Variants in EIPR1 observed in about 807,000 individuals in gnomAD.
The protein encoded by EIPR1 is EARP complex and GARP complex interacting protein 1.
In EIPR1, 25 loss-of-function variants were observed where a neutral mutation model predicts 48.1. The ratio of observed to expected loss-of-function variants is 0.52; its 90% CI spans 0.38 to 0.73. EIPR1 has a LOEUF of 0.73. Ranked by LOEUF, EIPR1 falls within the 30% of genes least tolerant of loss-of-function variation. The probability of loss-of-function intolerance (pLI) is 0.00; values close to 1 mark genes in which losing one functional copy is unlikely to be tolerated. For missense variants in EIPR1, 415 were observed against 506.2 expected (o/e 0.82, Z 1.73); for synonymous variants, 204 against 201.9 (o/e 1.01, Z -0.09).
intron 3 of EIPR1, among the ~76,000 whole-genome samples, chr2:3,273,578 A>C (rs1252467707): frequency 6.6e-6 from 1 of 152,176 alleles, no homozygotes; most frequent in African/African-American, 2.4e-5. Flanking sequence ...TATAAAAAAT[A>C]AGAATCTACA....
chr2:3,322,153 T>C (rs115099330), intron 3 of EIPR1, among the ~76,000 whole-genome samples: 3,066 of 152,292 alleles, frequency 0.02, 111 homozygotes, highest in African/African-American at 0.069. Context: ...GGTCCTCCCC[T>C]GGCAGGGCCT....
At chr2:3,337,174 G>C (rs1359799684) in intron 3 of EIPR1, among the ~76,000 whole-genome samples, 1 of 152,174 alleles carries the variant, frequency 6.6e-6, no homozygotes, top group African/African-American at 2.4e-5. Flanking sequence ...AACACACACA[G>C]AACCCGGTGA....
chr2:3,270,066 T>C (rs1667657661), intron 3 of EIPR1, among the ~76,000 whole-genome samples: 1 of 152,238 alleles, frequency 6.6e-6, no homozygotes, highest in African/African-American at 2.4e-5. Context: ...GACACTTGGC[T>C]GTCCACATTG....
chr2:3,318,861 G>A (rs147191022), intron 3 of EIPR1: 31 of 471,162 alleles, frequency 6.6e-5, no homozygotes, highest in Admixed American at 3.3e-4. Flanking sequence ...GCTCACCTGC[G>A]ACCTGTCCCC....
At position 3,253,591 on chromosome 2, in the gene EIPR1, C is replaced by T. The variant is rs923298040; in HGVS notation, c.416+3708G>A. ...ACTGCTCCCGAGGAGTGGGTGAGGA[C>T]GAGAAACCGGACTCAGTACTTCCCA... On this transcript the variant is annotated intron_variant, in intron 4 of 8. Coordinates refer to ENST00000382125, the MANE Select transcript of EIPR1 (RefSeq NM_003310.5). 5.3e-5 allele frequency among the ~76,000 whole-genome samples: 8 copies of T among 152,276 alleles called. No homozygotes were observed. The East Asian group carries it at 5.8e-4, about 11-fold the overall frequency.
chr2:3,217,248 A>C (rs888246614), intron 4 of EIPR1, among the ~76,000 whole-genome samples: 1 of 152,208 alleles, frequency 6.6e-6, no homozygotes, highest in South Asian at 2.1e-4. Flanking sequence ...GGAATTTGAA[A>C]CACTAGCATG....
Position 3,298,217 on chromosome 2 carries a change from A to G in EIPR1, c.259+39800T>C, listed in dbSNP as rs572658277. ...CCACTCCTTCTGCCACTGCAGCCCC[A>G]CTCTTACCCGTTTCACATACCGGGG... On this transcript the variant is annotated intron_variant, in intron 3 of 8. Transcript: ENST00000382125. 168 of 152,090 alleles carry G rather than the reference A, an allele frequency of 1.1e-3. 1 individual carries two copies. Among genetic ancestry groups the G allele is most frequent in the African/African-American group, 3.9e-3 (160 of 41,496 alleles). The allele number at this position is 152,090 out of a possible 1,614,324, so 9.4% of individuals were successfully genotyped here. A position where few individuals can be genotyped will look rare whatever the true frequency, so the allele number is the denominator to read the frequency against.
chr2:3,199,061 G>GCCCCCCCCCC (rs1334678710), intron 5 of EIPR1, among the ~76,000 whole-genome samples: 15 of 22,590 alleles, frequency 6.6e-4, no homozygotes, highest in South Asian at 1.4e-3. Flanking sequence ...ATTTTAGAGG[G>GCCCCCCCCCC]CCCCCCCCCC....
intron 3 of EIPR1, among the ~76,000 whole-genome samples, chr2:3,337,571 C>T (rs548376729): frequency 6.6e-6 from 1 of 152,210 alleles, no homozygotes; most frequent in African/African-American, 2.4e-5. Context: ...CTAGAGAGCA[C>T]AACGGCGGGC....
intron 1 of EIPR1, 100 bp downstream of exon 1, chr2:3,377,548 G>C (rs1473919678): frequency 2.1e-6 from 3 of 1,444,140 alleles, no homozygotes; most frequent in African/African-American, 2.8e-5. Flanking sequence ...ACGGGTCCTT[G>C]CAGGGCTGGT....
chr2:3,326,078 C>A (rs1424289815), intron 3 of EIPR1, among the ~76,000 whole-genome samples: 1 of 152,224 alleles, frequency 6.6e-6, no homozygotes, highest in African/African-American at 2.4e-5. Context: ...CACTGCCCCC[C>A]TCTCCTGGGG....
At chr2:3,302,171 C>T (rs905788265) in intron 3 of EIPR1, among the ~76,000 whole-genome samples, 28 of 152,138 alleles carry the variant, frequency 1.8e-4, no homozygotes, top group African/African-American at 6.5e-4. Flanking sequence ...TTCCGGCATA[C>T]AGCAAAAAGA....
chr2:3,278,577 C>T (rs925587999), intron 3 of EIPR1, among the ~76,000 whole-genome samples: 2 of 152,176 alleles, frequency 1.3e-5, no homozygotes, highest in Non-Finnish European at 2.9e-5. Context: ...TCCTTCCTCA[C>T]GACTTCCGAC....
At chr2:3,351,991 A>G in intron 2 of EIPR1, among the ~76,000 whole-genome samples, 1 of 148,636 alleles carries the variant, frequency 6.7e-6, no homozygotes, top group East Asian at 2.0e-4. Context: ...TATCCATGCT[A>G]CAGAAGCTAC....
chr2:3,368,240 C>A (rs758242844), intron 1 of EIPR1, among the ~76,000 whole-genome samples: 1 of 152,164 alleles, frequency 6.6e-6, no homozygotes, highest in Non-Finnish European at 1.5e-5. Flanking sequence ...GGAGAACCTC[C>A]CAGAACAGAA....
At chr2:3,345,035 G>A (rs1670358578) in intron 2 of EIPR1, among the ~76,000 whole-genome samples, 1 of 152,156 alleles carries the variant, frequency 6.6e-6, no homozygotes, top group Non-Finnish European at 1.5e-5. Flanking sequence ...GGCAGTGGGA[G>A]AGAAAAAAGA....
At chr2:3,320,136 T>C (rs1669478755) in intron 3 of EIPR1, 1 of 189,162 alleles carries the variant, frequency 5.3e-6, no homozygotes. Flanking sequence ...ACACCACCCC[T>C]GCGGGCAACA....
chr2:3,285,441 C>T (rs1668153506), intron 3 of EIPR1, among the ~76,000 whole-genome samples: 1 of 152,028 alleles, frequency 6.6e-6, no homozygotes, highest in South Asian at 2.1e-4. Flanking sequence ...TATCAAGGCT[C>T]AGGGCCAATT....
intron 2 of EIPR1, among the ~76,000 whole-genome samples, chr2:3,346,623 G>T (rs1670410738): frequency 6.6e-6 from 1 of 152,120 alleles, no homozygotes; most frequent in Admixed American, 6.5e-5. Context: ...GAAGTAACAG[G>T]AATCCTATAA....
Sources: allele counts gnomAD v4.1 joint callset (sites outside exome capture counted in the v4.1 genomes callset), GRCh38; gene constraint gnomAD v4.1.1; transcripts MANE v1.5; gene names NCBI Gene and HGNC (gene_info 2026-07-23, HGNC 2026-07-21).